Variants in PURG observed in about 807,000 individuals in gnomAD.
The protein encoded by PURG is purine-rich element-binding protein gamma.
PURG carries 3 observed loss-of-function variants against 24.3 expected under a neutral mutation model. The ratio of observed to expected loss-of-function variants is 0.12; its 90% CI spans 0.06 to 0.32. The LOEUF (loss-of-function observed/expected upper bound fraction) is 0.32. PURG is among the 10% of genes least tolerant of loss of function. PURG has a pLI of 1.00. For missense variants in PURG, 371 were observed against 439.1 expected, an observed-to-expected ratio of 0.84 and a Z score of 1.39; for synonymous variants, 180 against 173.1, an observed-to-expected ratio of 1.04 and a Z score of -0.31.
chr8:31,003,190 T>C (rs1471264956), intron 1 of PURG, among the ~76,000 whole-genome samples: 1 of 152,120 alleles, frequency 6.6e-6, no homozygotes, highest in Non-Finnish European at 1.5e-5. Context: ...GAATGAAATA[T>C]GAAGATGGTA....
chr8:31,019,477 G>A (rs897220030), intron 1 of PURG, among the ~76,000 whole-genome samples: 2 of 150,548 alleles, frequency 1.3e-5, no homozygotes, highest in Admixed American at 6.6e-5. Context: ...GGGATTACAG[G>A]AGCCTGCCAA....
At chr8:31,029,379 C>G (rs1485655706), downstream of PURG, among the ~76,000 whole-genome samples, 1 of 151,608 alleles carries the variant, frequency 6.6e-6, no homozygotes, top group Middle Eastern at 3.2e-3. Context: ...TAATTCTTTA[C>G]TTAAATAATT....
intron 1 of PURG, among the ~76,000 whole-genome samples, chr8:31,016,415 G>A (rs1431236530): frequency 6.7e-6 from 1 of 150,294 alleles, no homozygotes; most frequent in East Asian, 1.9e-4. Context: ...TAAATACATA[G>A]ATAGATAAAT....
At chr8:30,997,214 T>A (rs16877626) in intron 1 of PURG, among the ~76,000 whole-genome samples, 3 of 151,782 alleles carry the variant, frequency 2.0e-5, no homozygotes, top group African/African-American at 7.2e-5. Flanking sequence ...TTTCCAAGTT[T>A]AAAAAAATCC....
At position 31,032,816 on chromosome 8, in the gene PURG, T is replaced by TG. The variant is rs1329477990; in HGVS notation, c.-6-29dup. The TG allele has an allele frequency of 2.2e-6, 3 of 1,356,298 alleles. No homozygotes were observed. In the East Asian group the frequency reaches 7.8e-5, roughly 35 times the overall value. 84.0% of individuals were successfully genotyped at this position (1,356,298 alleles called of 1,614,324 possible). On this transcript the variant is annotated intron_variant, in intron 1 of 1. Transcript: ENST00000523392. This position sits in a 1 kb window ranked among gnomAD's most constrained non-coding sequence, Gnocchi z 5.9. Reference sequence around the variant, plus strand: ...GCAAGTAACAAACAGACACACGGGATGGGGTGGGGGAGGGGTGTTGAGAAC... The same window carrying TG: ...GCAAGTAACAAACAGACACACGGGATGGGGGTGGGGGAGGGGTGTTGAGAAC...
At chr8:30,996,061 A>C (rs1810422291) in exon 2 of PURG, 2 of 152,378 alleles carry the variant, frequency 1.3e-5, no homozygotes, top group African/African-American at 4.8e-5. Context: ...GGTATGGTCT[A>C]TTATAAACAA....
downstream of PURG, among the ~76,000 whole-genome samples, chr8:31,027,769 G>C (rs1811116839): frequency 6.6e-6 from 1 of 151,672 alleles, no homozygotes; most frequent in Non-Finnish European, 1.5e-5. Flanking sequence ...GTATTATTAA[G>C]CAACAGTTAT....
chr8:31,009,203 T>A (rs968591826), intron 1 of PURG, among the ~76,000 whole-genome samples: 9 of 152,118 alleles, frequency 5.9e-5, no homozygotes, highest in African/African-American at 2.2e-4. Context: ...AATGGGTGGA[T>A]CACTTGAGGT....
At chr8:31,022,809 G>A (rs1220235211) in intron 1 of PURG, among the ~76,000 whole-genome samples, 1 of 152,210 alleles carries the variant, frequency 6.6e-6, no homozygotes, top group Non-Finnish European at 1.5e-5. Flanking sequence ...CACATTGCTA[G>A]TTTGAAGAAC....
downstream of PURG, chr8:31,030,805 A>G (rs1321641149): frequency 1.3e-5 from 2 of 152,062 alleles, no homozygotes; most frequent in African/African-American, 4.8e-5. Flanking sequence ...TGGTACACCA[A>G]CCCTTCTGAA....
chr8:31,000,988 G>A (rs1478598096), intron 1 of PURG, among the ~76,000 whole-genome samples: 1 of 152,194 alleles, frequency 6.6e-6, no homozygotes, highest in African/African-American at 2.4e-5. Flanking sequence ...ATAATCCGTT[G>A]TTTGTGAATA....
intron 1 of PURG, among the ~76,000 whole-genome samples, chr8:31,005,445 AAAAAG>A (rs1554511613): frequency 6.1e-4 from 92 of 151,818 alleles, no homozygotes; most frequent in African/African-American, 1.7e-3. Context: ...AAACAAAAAA[AAAAAG>A]AAAAGAAAAG....
chr8:31,033,250 C>A lies in PURG; in HGVS notation c.-179G>T. The A allele has an allele frequency of 5.9e-6, 1 of 170,716 alleles. No individual in the cohort carries two copies. Among genetic ancestry groups the A allele is most frequent in the Non-Finnish European group, 1.2e-5 (1 of 80,946 alleles). 10.6% of individuals were successfully genotyped at this position (170,716 alleles called of 1,614,324 possible). On this transcript the variant is annotated 5_prime_UTR_variant, in exon 1 of 2. Coordinates refer to ENST00000523392, the MANE Select transcript of PURG (RefSeq NM_001323311.2). Reference sequence around the variant, plus strand: ...AGCAGCCGGGCAGGGGCATCGCCCGCGGCGCCCACCGCAGCCGCCCCTCCT... The same window carrying A: ...AGCAGCCGGGCAGGGGCATCGCCCGAGGCGCCCACCGCAGCCGCCCCTCCT...
downstream of PURG, among the ~76,000 whole-genome samples, chr8:31,028,583 TG>T: frequency 6.6e-6 from 1 of 152,016 alleles, no homozygotes; most frequent in East Asian, 1.9e-4. Context: ...TTTATTTTTT[TG>T]GCCATGCTCT....
chr8:31,017,558 T>G (rs1240485032), intron 1 of PURG, among the ~76,000 whole-genome samples: 1 of 152,150 alleles, frequency 6.6e-6, no homozygotes, highest in Non-Finnish European at 1.5e-5. Context: ...CTCAGATCTC[T>G]CCATAAAAGC....
intron 1 of PURG, among the ~76,000 whole-genome samples, chr8:31,024,219 C>A (rs1811051119): frequency 6.6e-6 from 1 of 152,128 alleles, no homozygotes; most frequent in South Asian, 2.1e-4. Context: ...GGTATCATCA[C>A]AGGTTGCTGC....
chr8:31,023,978 G>A (rs530876104), intron 1 of PURG, among the ~76,000 whole-genome samples: 1 of 152,252 alleles, frequency 6.6e-6, no homozygotes, highest in South Asian at 2.1e-4. Flanking sequence ...TACAGAATAT[G>A]CAGAAAAAAG....
intron 1 of PURG, among the ~76,000 whole-genome samples, chr8:31,018,511 A>G (rs1810916881): frequency 6.6e-6 from 1 of 152,228 alleles, no homozygotes; most frequent in Non-Finnish European, 1.5e-5. Context: ...CCTGAAGCCT[A>G]CTCAAAGTAT....
At chr8:30,996,691 T>A in exon 2 of PURG, 1 of 1,608,262 alleles carries the variant, frequency 6.2e-7, no homozygotes, top group Non-Finnish European at 8.5e-7. Flanking sequence ...TTGGGGTAAT[T>A]TGTGAGCTAA....
Sources: gnomAD v4.1 joint callset for allele counts (sites outside exome capture counted in the v4.1 genomes callset) on GRCh38, gnomAD v4.1.1 for gene constraint, Gnocchi (gnomAD v3.1) non-coding constraint, MANE v1.5 for transcripts, NCBI Gene and HGNC (gene_info 2026-07-23, HGNC 2026-07-21) for gene names.